Variants in NAV2 observed in about 807,000 individuals in gnomAD.
NAV2 encodes neuron navigator 2.
A neutral mutation model predicts 223.2 loss-of-function variants in NAV2; 54 were observed. The ratio of observed to expected loss-of-function variants is 0.24; its 90% CI spans 0.19 to 0.30. The LOEUF (loss-of-function observed/expected upper bound fraction) is 0.30. NAV2 is among the 10% of genes least tolerant of loss of function. The probability of loss-of-function intolerance (pLI) is 1.00; values close to 1 mark genes in which losing one functional copy is unlikely to be tolerated. For missense variants in NAV2, 2,806 were observed against 3,147.5 expected (o/e 0.89, Z 2.60); for synonymous variants, 1,279 against 1,239.3 (o/e 1.03, Z -0.67).
chr11:19,859,602 C>T (rs1316410064), intron 3 of NAV2, among the ~76,000 whole-genome samples: 3 of 152,126 alleles, frequency 2.0e-5, no homozygotes, highest in African/African-American at 7.2e-5. Context: ...TCCCCCCTTT[C>T]TATTCCACAA....
At chr11:19,692,475 A>G (rs1369260956) in intron 1 of NAV2, among the ~76,000 whole-genome samples, 1 of 152,242 alleles carries the variant, frequency 6.6e-6, no homozygotes, top group Non-Finnish European at 1.5e-5. Context: ...TATAGACAAA[A>G]CATCCACATC....
At chr11:19,489,718 G>C (rs1021579621) in intron 1 of NAV2, among the ~76,000 whole-genome samples, 1 of 152,172 alleles carries the variant, frequency 6.6e-6, no homozygotes, top group Non-Finnish European at 1.5e-5. Context: ...GGAGTATTGG[G>C]ATATACTACG....
intron 1 of NAV2, among the ~76,000 whole-genome samples, chr11:19,593,870 C>T (rs955708665): frequency 2.6e-5 from 4 of 152,058 alleles, no homozygotes; most frequent in African/African-American, 9.7e-5. Context: ...ATGTCATTTA[C>T]CCATCTTCTG....
chr11:19,814,951 A>G (rs2059017951), intron 1 of NAV2, among the ~76,000 whole-genome samples: 1 of 152,028 alleles, frequency 6.6e-6, no homozygotes, highest in Non-Finnish European at 1.5e-5. Context: ...GCAGGTGCTT[A>G]TTTTCTAGGA....
chr11:19,346,352 G>A (rs1484303346), upstream of NAV2, among the ~76,000 whole-genome samples: 3 of 152,172 alleles, frequency 2.0e-5, no homozygotes, highest in Non-Finnish European at 2.9e-5. Flanking sequence ...TAGGTGGATC[G>A]GATCCGAGCC....
chr11:19,481,364 C>G (rs78778207), intron 1 of NAV2, among the ~76,000 whole-genome samples: 10 of 152,266 alleles, frequency 6.6e-5, no homozygotes, highest in Middle Eastern at 3.4e-3. Context: ...CACTCAGTGA[C>G]ACCCCAGGTG....
At position 20,049,163 on chromosome 11, in the gene NAV2, A is replaced by C. The variant is rs2057737911; in HGVS notation, c.4338A>C (p.Arg1446Ser). The C allele has an allele frequency of 6.2e-7, 1 of 1,609,676 alleles. No individual in the cohort carries two copies. The highest frequency in any genetic ancestry group is 8.5e-7 in the Non-Finnish European group (1 of 1,177,854). ...ACGACTCCTTGACTCCCTTTGTCAG[A>C]ACTAACAGTGTGAAGACCACACTGT... ...SKDDSLTPFV[R>S]TNSVKTTLSE... Residue 1446 changes from arginine (R) to serine (S), a missense_variant, in exon 15 of 38, where the codon AGA becomes AGC. Physicochemically the swap from Arg to Ser is moderately radical, Grantham distance 110 (BLOSUM62 -1). Coordinates refer to ENST00000349880, the MANE Select transcript of NAV2 (RefSeq NM_145117.5).
intron 1 of NAV2, among the ~76,000 whole-genome samples, chr11:19,653,925 C>G (rs2135675348): frequency 6.6e-6 from 1 of 152,266 alleles, no homozygotes; most frequent in East Asian, 1.9e-4. Flanking sequence ...AGGATAGAAT[C>G]TTAGGGGTGA....
intron 1 of NAV2, among the ~76,000 whole-genome samples, chr11:19,647,534 G>T (rs1012473811): frequency 6.6e-6 from 1 of 152,074 alleles, no homozygotes; most frequent in Non-Finnish European, 1.5e-5. Flanking sequence ...CTAGAGATGA[G>T]GAAACCGAGG....
intron 1 of NAV2, among the ~76,000 whole-genome samples, chr11:19,553,163 C>G (rs192008404): frequency 6.6e-6 from 1 of 152,274 alleles, no homozygotes; most frequent in Non-Finnish European, 1.5e-5. Context: ...GGGAGGGCAG[C>G]ATTCTTTCAA....
chr11:20,070,040 G>A lies in NAV2; in HGVS notation c.4983+1642G>A, dbSNP rs187630244. On this transcript the variant is annotated intron_variant, in intron 22 of 37. Coordinates refer to ENST00000349880, the MANE Select transcript of NAV2 (RefSeq NM_145117.5). ...AAACCCTAACGTAGGAGACCACAAC[G>A]TGTTTTGTAATCTTTTATTTTCTTT... Among the ~76,000 whole-genome samples the A allele has an allele frequency of 7.2e-5, 11 of 152,220 alleles. No homozygotes were observed. The South Asian group carries it at 1.0e-3, about 14-fold the overall frequency.
intron 6 of NAV2, among the ~76,000 whole-genome samples, chr11:19,923,595 G>A (rs1357118933): frequency 1.3e-5 from 2 of 152,182 alleles, no homozygotes; most frequent in African/African-American, 4.8e-5. Context: ...AGAGGAAGGG[G>A]CCTACAGAAT....
intron 14 of NAV2, among the ~76,000 whole-genome samples, chr11:20,047,972 C>G (rs890451048): frequency 1.3e-5 from 2 of 152,120 alleles, no homozygotes; most frequent in African/African-American, 4.8e-5. Flanking sequence ...GAAGAGGGGG[C>G]ATTTATGTCA....
chr11:19,485,284 C>G (rs2042406145), intron 1 of NAV2, among the ~76,000 whole-genome samples: 1 of 152,140 alleles, frequency 6.6e-6, no homozygotes, highest in Non-Finnish European at 1.5e-5. Context: ...GTGGTGTTAT[C>G]CAAGGCTCTG....
In NAV2 at chr11:19,906,466, C is replaced by T. The variant is rs150924129; in HGVS notation, c.931+13872C>T. Among the ~76,000 whole-genome samples, 5 of 152,248 alleles carry T rather than the reference C, an allele frequency of 3.3e-5. No homozygotes were observed. The East Asian group carries it at 9.7e-4, about 29-fold the overall frequency. ...GGCTGTTTTTGTAATCAATCTACCACAATAAACAGGTTGCACCCAGTGAAT... is the reference window on the plus strand; with the variant it reads ...GGCTGTTTTTGTAATCAATCTACCATAATAAACAGGTTGCACCCAGTGAAT... On this transcript the variant is annotated intron_variant, in intron 6 of 37. Transcript: ENST00000349880.
intron 1 of NAV2, among the ~76,000 whole-genome samples, chr11:19,753,075 G>A (rs988810217): frequency 1.3e-5 from 2 of 152,196 alleles, no homozygotes; most frequent in Non-Finnish European, 2.9e-5. Context: ...GAGGAACACC[G>A]TTACCAAGAA....
chr11:20,100,411 A>T (rs930790852), intron 31 of NAV2, among the ~76,000 whole-genome samples: 8 of 152,190 alleles, frequency 5.3e-5, no homozygotes, highest in African/African-American at 7.2e-5. Flanking sequence ...TGTTGCCTTC[A>T]TGGCACATCT....
intron 11 of NAV2, chr11:20,022,738 C>T (rs2054617380): frequency 9.3e-7 from 1 of 1,076,606 alleles, no homozygotes. Flanking sequence ...TCAATTTGAC[C>T]CGCTGTTGCA....
At chr11:19,717,527 C>G (rs2050399722) in intron 1 of NAV2, among the ~76,000 whole-genome samples, 1 of 152,220 alleles carries the variant, frequency 6.6e-6, no homozygotes, top group Non-Finnish European at 1.5e-5. Context: ...GAATGAAGAG[C>G]AAGGTCATGC....
Sources: gnomAD v4.1 joint callset for allele counts (sites outside exome capture counted in the v4.1 genomes callset) on GRCh38, gnomAD v4.1.1 for gene constraint, MANE v1.5 for transcripts, NCBI Gene and HGNC (gene_info 2026-07-23, HGNC 2026-07-21) for gene names.